The following PLA2G2A variants were observed in gnomAD, a reference collection of about 807,000 sequenced individuals.
PLA2G2A encodes the protein phospholipase A2 group IIA, also known as phospholipase A2, membrane associated.
A neutral mutation model predicts 11.2 loss-of-function variants in PLA2G2A; 6 were observed. That is an observed-to-expected ratio of 0.54 (90% CI 0.29 to 1.06). The LOEUF is 1.06. PLA2G2A is among the 50% of genes least tolerant of loss of function. The pLI is 0.08. For missense variants in PLA2G2A, 133 were observed against 177.1 expected (o/e 0.75, Z 1.41); for synonymous variants, 69 against 65.8 (o/e 1.05, Z -0.23).
chr1:19,978,116 C>T, exon 4 of PLA2G2A: 1 of 1,611,600 alleles, frequency 6.2e-7, no homozygotes. Context: ...ATGAGTGACA[C>T]AGCAGCTGTG....
intron 1 of PLA2G2A, 44 bp from the exon 2 acceptor site, chr1:19,978,923 G>A (rs2046264044): frequency 8.3e-6 from 6 of 725,964 alleles, no homozygotes; most frequent in East Asian, 5.2e-5. Context: ...TAAGTCCAGG[G>A]TGACTTCCTC....
intron 2 of PLA2G2A, 53 bp from the exon 3 acceptor site, chr1:19,978,577 T>A: frequency 1.2e-6 from 2 of 1,605,448 alleles, no homozygotes; most frequent in Non-Finnish European, 1.7e-6. Context: ...TTCTGCGCCC[T>A]CCCTCTCTGC....
intron 3 of PLA2G2A, 113 bp from the exon 4 acceptor site, chr1:19,978,234 A>T: frequency 7.5e-7 from 1 of 1,336,182 alleles, no homozygotes; most frequent in Non-Finnish European, 1.1e-6. Context: ...GCAACAGTCT[A>T]GAGCAGAAGT....
intron 4 of PLA2G2A, among the ~76,000 whole-genome samples, chr1:19,977,235 T>C (rs1468987428): frequency 6.6e-6 from 1 of 152,152 alleles, no homozygotes; most frequent in African/African-American, 2.4e-5. Context: ...CACCATGACC[T>C]GCTCCCATGG....
In PLA2G2A at chr1:19,978,871, T is replaced by A; in HGVS notation, c.-98A>T. On this transcript the variant is annotated 5_prime_UTR_variant, in exon 2 of 5. It adds an upstream start codon to the 5' untranslated region. Coordinates refer to ENST00000482011, the Ensembl canonical transcript of PLA2G2A. ...CCGGCCGTCGCTCCCCTGCTCCTCC[T>A]TGGTGGCTCTGAGACACACAGACAT... is the stretch of plus-strand genomic sequence containing the variant. 8.9e-7 allele frequency: 1 copy of A among 1,126,976 alleles called. No individual in the cohort carries two copies. The highest frequency in any genetic ancestry group is 1.3e-6 in the Non-Finnish European group (1 of 745,080). The allele number at this position is 1,126,976 out of a possible 1,614,324, so 69.8% of individuals were successfully genotyped here.
At chr1:19,977,889 C>A in intron 4 of PLA2G2A, 126 bp downstream of exon 4, 1 of 734,010 alleles carries the variant, frequency 1.4e-6, no homozygotes, top group Non-Finnish European at 2.5e-6. Context: ...TTCCTGGCTT[C>A]CCACTCAACC....
intron 4 of PLA2G2A, among the ~76,000 whole-genome samples, chr1:19,977,610 T>C (rs140072352): frequency 6.6e-6 from 1 of 152,362 alleles, no homozygotes; most frequent in Admixed American, 6.5e-5. Flanking sequence ...CTCCTTCCTA[T>C]GTCTCCAGCA....
intron 4 of PLA2G2A, 66 bp from the exon 5 acceptor site, chr1:19,975,909 C>T: frequency 4.2e-6 from 6 of 1,422,582 alleles, no homozygotes; most frequent in South Asian, 3.6e-5. Context: ...CTTGTGGGAA[C>T]CCTGGGGTAG....
At chr1:19,978,833 C>T in exon 2 of PLA2G2A, 1 of 1,560,362 alleles carries the variant, frequency 6.4e-7, no homozygotes. Flanking sequence ...GCTGGGTGGT[C>T]TCAACTTCTG....
chr1:19,978,032 C>T lies in PLA2G2A; in HGVS notation c.275G>A (p.Gly92Glu). Reference sequence around the variant, plus strand: ...ACTCTTACCACAGGTGATTCTGCTCCCCGAGTTGCTAAACTTGTAGCTCAG... The same window carrying T: ...ACTCTTACCACAGGTGATTCTGCTCTCCGAGTTGCTAAACTTGTAGCTCAG... The change falls in exon 4 of 5, where the codon GGG becomes GAG. Residue 92 changes from glycine (G) to glutamate (E), a missense_variant. Coordinates refer to ENST00000482011, the Ensembl canonical transcript of PLA2G2A. 3.1e-6 allele frequency: 5 copies of T among 1,608,462 alleles called. No individual in the cohort carries two copies. In the South Asian group the frequency reaches 3.3e-5, roughly 11 times the overall value.
chr1:19,979,330 C>T (rs763979179), intron 1 of PLA2G2A, among the ~76,000 whole-genome samples: 1 of 152,196 alleles, frequency 6.6e-6, no homozygotes, highest in Non-Finnish European at 1.5e-5. Flanking sequence ...ACCCCTTCCA[C>T]ATACACAAGT....
intron 1 of PLA2G2A, 115 bp from the exon 2 acceptor site, chr1:19,978,994 C>A: frequency 1.6e-6 from 1 of 622,378 alleles, no homozygotes; most frequent in Non-Finnish European, 2.9e-6. Context: ...CACACACACA[C>A]ACACACAACC....
At chr1:19,975,464 A>G (rs11573175), downstream of PLA2G2A, 1,343 of 577,728 alleles carry the variant, frequency 2.3e-3, 15 homozygotes, top group African/African-American at 0.023. Flanking sequence ...TTCAGAAGAG[A>G]CCCCCCGGAG....
chr1:19,977,796 C>A (rs2046240389), intron 4 of PLA2G2A, among the ~76,000 whole-genome samples: 2 of 152,226 alleles, frequency 1.3e-5, no homozygotes, highest in Admixed American at 6.5e-5. Context: ...CTTCCAGGAG[C>A]CTTCCTCAAG....
chr1:19,978,659 G>A (rs1238638003), intron 2 of PLA2G2A, 75 bp downstream of exon 2: 1 of 1,599,142 alleles, frequency 6.3e-7, no homozygotes, highest in Non-Finnish European at 8.6e-7. Context: ...TGCAATGGGA[G>A]AGAAAACTAA....
intron 2 of PLA2G2A, 32 bp downstream of exon 2, chr1:19,978,702 C>A: frequency 6.2e-7 from 1 of 1,613,124 alleles, no homozygotes; most frequent in Non-Finnish European, 8.5e-7. Flanking sequence ...GGGGCTGTCC[C>A]CCCATGCTCA....
chr1:19,978,766 G>T, exon 2 of PLA2G2A: 1 of 1,614,130 alleles, frequency 6.2e-7, no homozygotes, highest in Non-Finnish European at 8.5e-7. Flanking sequence ...CAGTAGGAGG[G>T]TCTTCATGGT....
rs2236769 is a variant in PLA2G2A at position 19,978,977 on chromosome 1, A to G, written c.-106-98T>C. 541 of 112,876 alleles carry G rather than the reference A, an allele frequency of 4.8e-3. 5 individuals carry two copies. The highest frequency in any genetic ancestry group is 0.01 in the South Asian group (52 of 4,974). 7.0% of individuals were successfully genotyped at this position (112,876 alleles called of 1,614,324 possible). A position where few individuals can be genotyped will look rare whatever the true frequency, so the allele number is the denominator to read the frequency against. Reference sequence around the variant, plus strand: ...CAAGGAGTGCCCTCCAGCAATGCACACACACACACACACACACACACACAA... The same window carrying G: ...CAAGGAGTGCCCTCCAGCAATGCACGCACACACACACACACACACACACAA... On this transcript the variant is annotated intron_variant, in intron 1 of 4. Transcript: ENST00000482011.
chr1:19,977,925 G>A (rs978073869), intron 4 of PLA2G2A, 90 bp downstream of exon 4: 1 of 830,546 alleles, frequency 1.2e-6, no homozygotes, highest in Non-Finnish European at 2.1e-6. Flanking sequence ...CAGGAACTGT[G>A]TCCCTCTGTG....
Sources: allele counts gnomAD v4.1 joint callset (sites outside exome capture counted in the v4.1 genomes callset), GRCh38; gene constraint gnomAD v4.1.1; transcripts MANE v1.5; gene names NCBI Gene and HGNC (gene_info 2026-07-23, HGNC 2026-07-21).